Variants in IL23R observed in about 807,000 individuals in gnomAD.
IL23R encodes interleukin-23 receptor.
A neutral mutation model predicts 56.9 loss-of-function variants in IL23R; 34 were observed. The ratio of observed to expected loss-of-function variants is 0.60; its 90% CI spans 0.45 to 0.80. The LOEUF is 0.80. Among genes scored for constraint, IL23R ranks in the 30% least tolerant of loss-of-function variants. IL23R has a pLI of 0.00. For synonymous variants in IL23R, 230 were observed against 249.2 expected (o/e 0.92, Z 0.73); for missense variants, 635 against 730.0 (o/e 0.87, Z 1.50).
chr1:67,239,147 G>A (rs1404425941), intron 8 of IL23R, among the ~76,000 whole-genome samples: 1 of 152,130 alleles, frequency 6.6e-6, no homozygotes, highest in African/African-American at 2.4e-5. Context: ...TCATGTACCA[G>A]GGAGAAAGCA....
intron 2 of IL23R, 35 bp downstream of exon 2, chr1:67,168,225 T>C (rs780577402): frequency 7.3e-7 from 1 of 1,371,562 alleles, no homozygotes; most frequent in Non-Finnish European, 1.0e-6. Context: ...CTATCTTTCA[T>C]TCAACAAATG....
chr1:67,192,941 C>T (rs1647859224), intron 4 of IL23R, among the ~76,000 whole-genome samples: 1 of 152,158 alleles, frequency 6.6e-6, no homozygotes, highest in Admixed American at 6.5e-5. Flanking sequence ...GCTCATGAAC[C>T]TCCCATTTCA....
chr1:67,227,951 T>TC lies in IL23R; in HGVS notation c.955+8221_955+8222insC, dbSNP rs1650743589. Reference sequence around the variant, plus strand: ...ACTACAGAACAAAGATCTTTCTTTCTTTCTTTCTTTCTTTCTTTCTTTCTT... The same window carrying TC: ...ACTACAGAACAAAGATCTTTCTTTCTCTTCTTTCTTTCTTTCTTTCTTTCTT... On this transcript the variant is annotated intron_variant, in intron 7 of 10. Coordinates refer to ENST00000347310, the MANE Select transcript of IL23R (RefSeq NM_144701.3). 3.5e-4 allele frequency among the ~76,000 whole-genome samples: 3 copies of TC among 8,510 alleles called. No individual in the cohort carries two copies. In the South Asian group the frequency reaches 0.052, roughly 147 times the overall value. 5.6% of individuals were successfully genotyped at this position (8,510 alleles called of 152,430 possible).
chr1:67,188,931 C>A (rs1647546302), intron 4 of IL23R, among the ~76,000 whole-genome samples: 1 of 152,030 alleles, frequency 6.6e-6, no homozygotes, highest in African/African-American at 2.4e-5. Context: ...CACTAATATT[C>A]AGACTATAGC....
chr1:67,205,925 TTTTC>T (rs1325480882), intron 5 of IL23R, among the ~76,000 whole-genome samples: 3 of 100,168 alleles, frequency 3.0e-5, no homozygotes, highest in Admixed American at 2.4e-4. Flanking sequence ...CTTTCTTTCT[TTTTC>T]TTTCTTTCTT....
chr1:67,179,713 G>T (rs9716048), intron 3 of IL23R, among the ~76,000 whole-genome samples: 3,208 of 152,114 alleles, frequency 0.021, 101 homozygotes, highest in African/African-American at 0.073. Flanking sequence ...GTGATGTTAG[G>T]TTGTCAATTT....
At chr1:67,159,440 G>A (rs1646798619) in intron 1 of IL23R, among the ~76,000 whole-genome samples, 2 of 152,082 alleles carry the variant, frequency 1.3e-5, no homozygotes, top group South Asian at 4.1e-4. Flanking sequence ...TTGTGAGTCA[G>A]AACTGTGAGT....
chr1:67,147,862 C>T (rs2102529263), intron 1 of IL23R, among the ~76,000 whole-genome samples: 1 of 152,264 alleles, frequency 6.6e-6, no homozygotes, highest in South Asian at 2.1e-4. Flanking sequence ...ACCCGACATC[C>T]CTTTGTTACT....
At chr1:67,242,127 A>G (rs1168414818) in intron 9 of IL23R, among the ~76,000 whole-genome samples, 4 of 152,236 alleles carry the variant, frequency 2.6e-5, no homozygotes, top group African/African-American at 7.2e-5. Context: ...ACTTCAAACT[A>G]TGGAAAAAAG....
upstream of IL23R, among the ~76,000 whole-genome samples, chr1:67,161,950 A>G (rs1646825239): frequency 6.6e-6 from 1 of 152,082 alleles, no homozygotes; most frequent in South Asian, 2.1e-4. Context: ...AGCTCTAAAT[A>G]AACTTACTTT....
intron 1 of IL23R, among the ~76,000 whole-genome samples, chr1:67,145,124 C>T (rs1375995226): frequency 1.3e-5 from 2 of 152,188 alleles, no homozygotes; most frequent in Admixed American, 1.3e-4. Context: ...GCAGGTGGAT[C>T]ACCTGAGGTC....
intron 7 of IL23R, among the ~76,000 whole-genome samples, chr1:67,229,921 G>A (rs1370055816): frequency 6.6e-6 from 1 of 152,180 alleles, no homozygotes; most frequent in Admixed American, 6.5e-5. Flanking sequence ...AATAAATCAA[G>A]GCTGGTTATC....
chr1:67,151,472 T>C (rs949289886), intron 1 of IL23R, among the ~76,000 whole-genome samples: 1 of 152,332 alleles, frequency 6.6e-6, no homozygotes, highest in East Asian at 1.9e-4. Context: ...CATTTGTCAA[T>C]TTTGGCTTTT....
chr1:67,219,464 G>T, intron 6 of IL23R, 110 bp from the exon 7 acceptor site: 1 of 978,370 alleles, frequency 1.0e-6, no homozygotes. Flanking sequence ...TGTTTTCCTA[G>T]AGTCTAGAAG....
chr1:67,141,452 G>T (rs736197), intron 1 of IL23R, among the ~76,000 whole-genome samples: 51,945 of 151,732 alleles, frequency 0.34, 9,103 homozygotes, highest in Admixed American at 0.47. Flanking sequence ...TTCTTTCCAC[G>T]GGGCACTCAA....
intron 6 of IL23R, among the ~76,000 whole-genome samples, chr1:67,213,973 A>T (rs554937556): frequency 6.6e-6 from 1 of 152,308 alleles, no homozygotes; most frequent in South Asian, 2.1e-4. Context: ...ACCAGGTTGG[A>T]ATATATACAG....
At chr1:67,141,571 A>C (rs906649539) in intron 1 of IL23R, among the ~76,000 whole-genome samples, 5 of 152,166 alleles carry the variant, frequency 3.3e-5, no homozygotes, top group Non-Finnish European at 7.3e-5. Flanking sequence ...CAGCGTAGGC[A>C]ACACAGCAAG....
intron 6 of IL23R, among the ~76,000 whole-genome samples, chr1:67,216,266 A>G (rs1331785862): frequency 6.6e-6 from 1 of 152,166 alleles, no homozygotes; most frequent in African/African-American, 2.4e-5. Flanking sequence ...TGCCATGATC[A>G]TTTTTTGCAT....
intron 1 of IL23R, among the ~76,000 whole-genome samples, chr1:67,158,554 A>G (rs1167564186): frequency 6.6e-6 from 1 of 152,170 alleles, no homozygotes; most frequent in Non-Finnish European, 1.5e-5. Context: ...GGTTGTTGCC[A>G]TGAAAAGGGG....
Sources: gnomAD v4.1 joint callset for allele counts (sites outside exome capture counted in the v4.1 genomes callset) on GRCh38, gnomAD v4.1.1 for gene constraint, MANE v1.5 for transcripts, NCBI Gene and HGNC (gene_info 2026-07-23, HGNC 2026-07-21) for gene names.